SPICE1: variants seen among roughly 807,000 people sequenced by gnomAD.
The protein encoded by SPICE1 is spindle and centriole-associated protein 1.
SPICE1 carries 75 observed loss-of-function variants against 102.7 expected under a neutral mutation model. The observed-to-expected ratio is 0.73, with a 90% CI of 0.61 to 0.88. SPICE1 has a LOEUF of 0.88. SPICE1 is among the 40% of genes least tolerant of loss of function. The pLI is 0.00. For synonymous variants in SPICE1, 308 were observed against 350.3 expected (o/e 0.88, Z 1.35); for missense variants, 979 against 1,020.1 (o/e 0.96, Z 0.55).
chr3:113,473,100 T>C (rs1012217288), intron 7 of SPICE1, among the ~76,000 whole-genome samples: 2 of 152,140 alleles, frequency 1.3e-5, no homozygotes, highest in Admixed American at 6.5e-5. Flanking sequence ...AAGGAGCTGA[T>C]GGAGCTGAAA....
intron 6 of SPICE1, 31 bp from the exon 7 acceptor site, chr3:113,489,094 A>C: frequency 7.3e-7 from 1 of 1,366,504 alleles, no homozygotes; most frequent in Non-Finnish European, 1.0e-6. Flanking sequence ...AAATAGCACA[A>C]GTTGATTATA....
At chr3:113,455,870 G>A (rs1480326526) in intron 13 of SPICE1, among the ~76,000 whole-genome samples, 1 of 152,194 alleles carries the variant, frequency 6.6e-6, no homozygotes, top group Non-Finnish European at 1.5e-5. Context: ...TAGTACGGTT[G>A]TGATCAGAGT....
intron 10 of SPICE1, among the ~76,000 whole-genome samples, chr3:113,466,338 T>C (rs1161492090): frequency 6.6e-6 from 1 of 152,228 alleles, no homozygotes; most frequent in African/African-American, 2.4e-5. Context: ...TCGGGCGTGG[T>C]GGCTCACACC....
At chr3:113,489,254 T>G (rs565536706) in intron 6 of SPICE1, among the ~76,000 whole-genome samples, 191 bp from the exon 7 acceptor site, 1 of 152,252 alleles carries the variant, frequency 6.6e-6, no homozygotes, top group East Asian at 1.9e-4. Context: ...TCAACATCTG[T>G]CTCTGTAGTG....
intron 11 of SPICE1, among the ~76,000 whole-genome samples, chr3:113,464,580 T>C (rs1212490680): frequency 6.6e-6 from 1 of 152,176 alleles, no homozygotes; most frequent in Non-Finnish European, 1.5e-5. Context: ...TAAAAAATTA[T>C]ACATCTACAT....
intron 14 of SPICE1, among the ~76,000 whole-genome samples, chr3:113,452,474 A>C (rs747161797): frequency 1.3e-5 from 2 of 150,520 alleles, no homozygotes; most frequent in Non-Finnish European, 3.0e-5. Flanking sequence ...ACTTGTGGTC[A>C]GGAGTTCGAG....
intron 16 of SPICE1, among the ~76,000 whole-genome samples, chr3:113,447,144 G>A (rs548245181): frequency 6.6e-6 from 1 of 152,120 alleles, no homozygotes; most frequent in Non-Finnish European, 1.5e-5. Context: ...ATGTGAAACT[G>A]TAAGTCCAAT....
At chr3:113,477,236 A>G (rs1351914831) in intron 7 of SPICE1, among the ~76,000 whole-genome samples, 3 of 152,190 alleles carry the variant, frequency 2.0e-5, no homozygotes, top group Admixed American at 6.5e-5. Flanking sequence ...CCACAATGAG[A>G]TATCATCTCA....
chr3:113,511,623 G>A (rs1218106376), intron 1 of SPICE1, among the ~76,000 whole-genome samples: 1 of 152,150 alleles, frequency 6.6e-6, no homozygotes, highest in Non-Finnish European at 1.5e-5. Context: ...GCAGGGGGAT[G>A]CAGGGAGACA....
intron 14 of SPICE1, 96 bp from the exon 15 acceptor site, chr3:113,450,612 T>C (rs1227130427): frequency 7.8e-7 from 1 of 1,288,762 alleles, no homozygotes; most frequent in South Asian, 1.6e-5. Context: ...AGTCTCACTC[T>C]GTTGCCCAGG....
At chr3:113,488,692 A>G (rs1424012324) in intron 7 of SPICE1, among the ~76,000 whole-genome samples, 1 of 152,226 alleles carries the variant, frequency 6.6e-6, no homozygotes, top group Non-Finnish European at 1.5e-5. Flanking sequence ...GCATGCATGC[A>G]TGTGTGTGCA....
chr3:113,474,315 T>G (rs1490114052), intron 7 of SPICE1, among the ~76,000 whole-genome samples: 1 of 152,122 alleles, frequency 6.6e-6, no homozygotes, highest in African/African-American at 2.4e-5. Context: ...CAAAGAGACT[T>G]AGACTCCCAC....
At chr3:113,449,157 C>A (rs1283652744) in intron 15 of SPICE1, 1 of 152,082 alleles carries the variant, frequency 6.6e-6, no homozygotes, top group Non-Finnish European at 1.5e-5. Flanking sequence ...TATTTAAACA[C>A]AAAATTATTC....
chr3:113,458,684 T>C (rs7652803), intron 12 of SPICE1, among the ~76,000 whole-genome samples: 1,895 of 151,028 alleles, frequency 0.013, 32 homozygotes, highest in African/African-American at 0.035. Flanking sequence ...TCGTCTGGGA[T>C]GTAAGGAGCC....
intron 12 of SPICE1, chr3:113,459,556 G>A (rs1935877334): frequency 1.0e-6 from 1 of 985,254 alleles, no homozygotes; most frequent in Admixed American, 6.2e-5. Context: ...TCAGATAATA[G>A]TAAAACACTA....
At chr3:113,476,642 C>T (rs1936355585) in intron 7 of SPICE1, among the ~76,000 whole-genome samples, 1 of 150,034 alleles carries the variant, frequency 6.7e-6, no homozygotes, top group South Asian at 2.1e-4. Context: ...ATATCTACAA[C>T]TATCTGATCT....
chr3:113,496,388 CAT>C (rs1225951170), intron 4 of SPICE1, among the ~76,000 whole-genome samples: 2 of 150,204 alleles, frequency 1.3e-5, no homozygotes, highest in African/African-American at 4.9e-5. Flanking sequence ...TGGTGGTACA[CAT>C]GTTGGATTTT....
In SPICE1 at chr3:113,465,705, TC is replaced by T; in HGVS notation, c.1234del (p.Asp412MetfsTer3). The T allele has an allele frequency of 6.2e-7, 1 of 1,613,800 alleles. No individual in the cohort carries two copies. The highest frequency in any genetic ancestry group is 1.3e-5 in the African/African-American group (1 of 75,054). On this transcript the variant is annotated frameshift_variant, in exon 11 of 18. Transcript: ENST00000295872. LOFTEE classifies it high-confidence loss of function. ...QVLGDHRELI[D>X]ALTAEILRLR... is the part of the protein sequence containing the mutation. ...ACGAAGAATTTCAGCTGTCAGAGCA[TC>T]AATGAGCTCTCGATGATCACCTAAT... is the stretch of plus-strand genomic sequence containing the variant.
chr3:113,503,036 G>T (rs549777184), intron 3 of SPICE1, 144 bp downstream of exon 3: 3 of 752,120 alleles, frequency 4.0e-6, no homozygotes, highest in Non-Finnish European at 6.3e-6. Flanking sequence ...GAAGATAGGC[G>T]TTTTGATTTT....
Sources: gnomAD v4.1 joint callset for allele counts (sites outside exome capture counted in the v4.1 genomes callset) on GRCh38, gnomAD v4.1.1 for gene constraint, MANE v1.5 for transcripts, NCBI Gene and HGNC (gene_info 2026-07-23, HGNC 2026-07-21) for gene names.